The following PTPRM variants were observed in gnomAD, a reference collection of about 807,000 sequenced individuals.
PTPRM encodes receptor-type tyrosine-protein phosphatase mu.
PTPRM carries 47 observed loss-of-function variants against 186.7 expected under a neutral mutation model. The observed-to-expected ratio is 0.25, with a 90% CI of 0.20 to 0.32. The LOEUF is 0.32. Among genes scored for constraint, PTPRM ranks in the 10% least tolerant of loss-of-function variants. PTPRM has a pLI of 1.00. For synonymous variants in PTPRM, 668 were observed against 674.9 expected, an observed-to-expected ratio of 0.99 and a Z score of 0.16; for missense variants, 1,494 against 1,865.0, an observed-to-expected ratio of 0.80 and a Z score of 3.66.
At chr18:8,222,365 G>A (rs2094163392) in intron 14 of PTPRM, among the ~76,000 whole-genome samples, 1 of 152,116 alleles carries the variant, frequency 6.6e-6, no homozygotes, top group Non-Finnish European at 1.5e-5. Flanking sequence ...TCCTTACCAG[G>A]TATAGGAACT....
chr18:7,882,467 T>C (rs1482011937), intron 2 of PTPRM, among the ~76,000 whole-genome samples: 1 of 152,192 alleles, frequency 6.6e-6, no homozygotes, highest in Non-Finnish European at 1.5e-5. Context: ...ATGCCTGCAG[T>C]GATGGAACTT....
At chr18:7,708,473 C>A (rs1322004508) in intron 1 of PTPRM, among the ~76,000 whole-genome samples, 1 of 152,140 alleles carries the variant, frequency 6.6e-6, no homozygotes, top group Non-Finnish European at 1.5e-5. Flanking sequence ...CTTGTGGTGT[C>A]CCCTCCTCCC....
Position 8,097,135 on chromosome 18 carries a change from C to T in PTPRM, c.1856+8284C>T, listed in dbSNP as rs630778. ...TCAATGTAACTATTTATTATAAGAA[C>T]ACCAGTGTACACAAAAGTGCTAATA... On this transcript the variant is annotated intron_variant, in intron 11 of 32. Transcript: ENST00000580170. Among the ~76,000 whole-genome samples, 7 of 152,134 alleles carry T rather than the reference C, an allele frequency of 4.6e-5. No homozygotes were observed. In the East Asian group the frequency reaches 1.2e-3, roughly 25 times the overall value.
At chr18:7,751,305 T>G (rs1205412636) in intron 1 of PTPRM, 7 of 152,320 alleles carry the variant, frequency 4.6e-5, no homozygotes, top group African/African-American at 1.7e-4. Context: ...CTCCCCTGAC[T>G]CACTGTGCTG....
chr18:7,625,207 G>A (rs553654695), intron 1 of PTPRM, among the ~76,000 whole-genome samples: 1 of 152,118 alleles, frequency 6.6e-6, no homozygotes, highest in African/African-American at 2.4e-5. Flanking sequence ...ATGTCATCTC[G>A]AATCTGTTTC....
chr18:7,706,621 A>AC (rs1462017216), intron 1 of PTPRM, among the ~76,000 whole-genome samples: 1 of 149,750 alleles, frequency 6.7e-6, no homozygotes, highest in Admixed American at 6.7e-5. Flanking sequence ...AAAAAAAAAA[A>AC]AAAAAAAAAC....
At chr18:7,718,751 C>A (rs997695928) in intron 1 of PTPRM, among the ~76,000 whole-genome samples, 7 of 151,934 alleles carry the variant, frequency 4.6e-5, no homozygotes, top group Non-Finnish European at 8.8e-5. Context: ...GGGCAAAGGA[C>A]AAGAATAGAT....
intron 14 of PTPRM, among the ~76,000 whole-genome samples, chr18:8,174,868 T>C (rs767691556): frequency 5.3e-5 from 8 of 152,214 alleles, no homozygotes; most frequent in Non-Finnish European, 7.4e-5. Flanking sequence ...TCAAATTAAT[T>C]GCAACATGGT....
intron 1 of PTPRM, among the ~76,000 whole-genome samples, chr18:7,761,767 G>C (rs2041786222): frequency 6.6e-6 from 1 of 151,936 alleles, no homozygotes; most frequent in Admixed American, 6.6e-5. Context: ...TTCCTCCCTA[G>C]TGCCTGACAT....
Position 8,029,964 on chromosome 18 carries a change from T to C in PTPRM, c.1133-39722T>C, listed in dbSNP as rs1462642836. 2.6e-5 allele frequency among the ~76,000 whole-genome samples: 4 copies of C among 152,354 alleles called. No individual in the cohort carries two copies. In the East Asian group the frequency reaches 7.7e-4, roughly 29 times the overall value. ...TCCGTGCACCGCAGCCTTTTGCTAC[T>C]GATGTTATCCTTGCCCAGATGTGTT... On this transcript the variant is annotated intron_variant, in intron 7 of 32. Coordinates refer to ENST00000580170, the MANE Select transcript of PTPRM (RefSeq NM_001105244.2).
intron 1 of PTPRM, among the ~76,000 whole-genome samples, chr18:7,629,621 G>A (rs949125316): frequency 4.6e-5 from 7 of 152,126 alleles, no homozygotes; most frequent in Non-Finnish European, 8.8e-5. Flanking sequence ...AGAGTGAAGG[G>A]CAAGTTGTAT....
At chr18:8,225,169 C>CCT (rs2094199013) in intron 14 of PTPRM, among the ~76,000 whole-genome samples, 1 of 152,132 alleles carries the variant, frequency 6.6e-6, no homozygotes, top group Admixed American at 6.5e-5. Context: ...CTGTGAAATG[C>CCT]AGTTCATATA....
intron 14 of PTPRM, among the ~76,000 whole-genome samples, chr18:8,240,740 T>C (rs1185908349): frequency 8.9e-6 from 1 of 112,032 alleles, no homozygotes; most frequent in Non-Finnish European, 1.7e-5. Context: ...AATTGAAAGT[T>C]TGTGGCAACC....
chr18:8,277,022 C>A (rs1474323777), intron 19 of PTPRM, among the ~76,000 whole-genome samples: 1 of 151,990 alleles, frequency 6.6e-6, no homozygotes, highest in Non-Finnish European at 1.5e-5. Flanking sequence ...CTGCAACCTC[C>A]CCTGCCTGGG....
rs1440388342 is a variant in PTPRM at position 8,113,507 on chromosome 18, G to A, written c.1878G>A (p.Glu626=). The A allele has an allele frequency of 6.2e-7, 1 of 1,613,352 alleles. No individual in the cohort carries two copies. Among genetic ancestry groups the A allele is most frequent in the East Asian group, 2.2e-5 (1 of 44,832 alleles). ...CTAGTGTCTATCAAATAGTTGTTGA[G>A]GAAGAACGTCCTCGAAGAACTAAAA... ...APVSVYQIVV[E]EERPRRTKKT... Residue 626 remains glutamate (E), a synonymous_variant, in exon 12 of 33, where the codon GAG becomes GAA. Coordinates refer to ENST00000580170, the MANE Select transcript of PTPRM (RefSeq NM_001105244.2).
chr18:7,966,230 A>G (rs1009512521), intron 7 of PTPRM, among the ~76,000 whole-genome samples: 1 of 152,210 alleles, frequency 6.6e-6, no homozygotes, highest in Non-Finnish European at 1.5e-5. Context: ...GTATAGTTAT[A>G]CCTGTTATTA....
In PTPRM at chr18:8,069,745, A is replaced by G. The variant is rs776028966; in HGVS notation, c.1192A>G (p.Ile398Val). 2.5e-6 allele frequency: 4 copies of G among 1,613,836 alleles called. No homozygotes were observed. Among genetic ancestry groups the G allele is most frequent in the Non-Finnish European group, 3.4e-6 (4 of 1,179,806 alleles). ...VVEVKSRQIT[I>V]RWEPFGYNVT... The stretch of plus-strand genomic sequence containing the variant: ...GGAGGTCAAATCTCGGCAAATCACT[A>G]TCCGCTGGGAGCCATTTGGATATAA... The change falls in exon 8 of 33, where the codon ATC becomes GTC. Residue 398 changes from isoleucine to valine, a missense_variant. Coordinates refer to ENST00000580170, the MANE Select transcript of PTPRM (RefSeq NM_001105244.2).
At chr18:8,402,521 G>A (rs1001968463) in intron 32 of PTPRM, among the ~76,000 whole-genome samples, 11 of 152,196 alleles carry the variant, frequency 7.2e-5, no homozygotes, top group African/African-American at 2.7e-4. Flanking sequence ...TATGTTAAAA[G>A]GATGGCTCTG....
At chr18:8,120,362 T>C (rs976802742) in intron 13 of PTPRM, among the ~76,000 whole-genome samples, 6 of 152,148 alleles carry the variant, frequency 3.9e-5, no homozygotes, top group African/African-American at 1.4e-4. Flanking sequence ...TGATTATAGT[T>C]TGAGTTCCTT....
Sources: allele counts gnomAD v4.1 joint callset (sites outside exome capture counted in the v4.1 genomes callset), GRCh38; gene constraint gnomAD v4.1.1; transcripts MANE v1.5; gene names NCBI Gene and HGNC (gene_info 2026-07-23, HGNC 2026-07-21).